The following NUP155 variants were observed in gnomAD, a reference collection of about 807,000 sequenced individuals.
NUP155 encodes nuclear pore complex protein Nup155.
A neutral mutation model predicts 180.4 loss-of-function variants in NUP155; 71 were observed. The observed-to-expected ratio is 0.39, with a 90% CI of 0.33 to 0.48. The LOEUF is 0.48. NUP155 is among the 20% of genes least tolerant of loss of function. The pLI, the probability that NUP155 is intolerant of heterozygous loss-of-function variation, is 0.91. For synonymous variants in NUP155, 582 were observed against 559.5 expected, an observed-to-expected ratio of 1.04 and a Z score of -0.57; for missense variants, 1,553 against 1,648.9, an observed-to-expected ratio of 0.94 and a Z score of 1.01.
At position 37,290,928 on chromosome 5, in the gene NUP155, ACTTTGAGAACCACTGC is replaced by A. The variant is rs1742206410; in HGVS notation, c.*956_*971del. ...CTGATGCTTCTGGTTTGGAGCACATACTTTGAGAACCACTGCTCTAATGGAATCAGTAGTCACAAGG... is the reference window on the plus strand; with the variant it reads ...CTGATGCTTCTGGTTTGGAGCACATATCTAATGGAATCAGTAGTCACAAGG... On this transcript the variant is annotated 3_prime_UTR_variant, in exon 35 of 35. Transcript: ENST00000231498. The A allele has an allele frequency of 6.6e-6, 1 of 152,194 alleles. No homozygotes were observed. Among genetic ancestry groups the A allele is most frequent in the Non-Finnish European group, 1.5e-5 (1 of 68,060 alleles). 9.4% of individuals were successfully genotyped at this position (152,194 alleles called of 1,614,324 possible). A position where few individuals can be genotyped will look rare whatever the true frequency, so the allele number is the denominator to read the frequency against.
intron 25 of NUP155, 21 bp from the exon 26 acceptor site, chr5:37,305,231 A>T (rs749460362): frequency 6.3e-7 from 1 of 1,594,274 alleles, no homozygotes; most frequent in Admixed American, 1.7e-5. Flanking sequence ...ATGGAAAAGG[A>T]ACAATTACAT....
At chr5:37,325,414 G>T in intron 19 of NUP155, among the ~76,000 whole-genome samples, 1 of 152,092 alleles carries the variant, frequency 6.6e-6, no homozygotes, top group Admixed American at 6.6e-5. Context: ...ATCAATGTTA[G>T]AGATGAGATT....
intron 32 of NUP155, among the ~76,000 whole-genome samples, chr5:37,294,734 A>G (rs1742429516): frequency 6.6e-6 from 1 of 152,132 alleles, no homozygotes; most frequent in South Asian, 2.1e-4. Flanking sequence ...AGTGTGCACC[A>G]TCACTCTCAG....
At chr5:37,294,268 A>C (rs182750726) in intron 33 of NUP155, 61 bp downstream of exon 33, 8 of 1,185,792 alleles carry the variant, frequency 6.7e-6, no homozygotes. Context: ...ACCCCACTCT[A>C]TATCTACAAA....
At chr5:37,317,643 CAATATCCATATT>C (rs1044005880) in intron 21 of NUP155, among the ~76,000 whole-genome samples, 1 of 150,190 alleles carries the variant, frequency 6.7e-6, no homozygotes, top group East Asian at 1.9e-4. Context: ...GGGAAATATA[CAATATCCATATT>C]AATATCCATA....
chr5:37,370,955 G>A lies in NUP155; in HGVS notation c.23C>T (p.Ala8Val), dbSNP rs1747927761. 29 of 1,614,026 alleles carry A rather than the reference G, an allele frequency of 1.8e-5. No homozygotes were observed. The East Asian group carries it at 6.0e-4, about 33-fold the overall frequency. ...GGCAGATGTAGAGGCCGGCATCGCC[G>A]CGCCCAACAAAGAAGACGGCATCTC... MPSSLLG[A>V]AMPASTSAAA... The change falls in exon 1 of 35, where the codon GCG becomes GTG. Residue 8 changes from alanine (A) to valine (V), a missense_variant. Ala to Val is a moderately conservative substitution (Grantham distance 64, BLOSUM62 0). Transcript: ENST00000231498.
At chr5:37,348,394 T>C in intron 9 of NUP155, 111 bp downstream of exon 9, 5 of 773,454 alleles carry the variant, frequency 6.5e-6, no homozygotes, top group East Asian at 2.5e-5. Flanking sequence ...CAACATTCCT[T>C]GTCTTTTAGA....
rs1240332904 is a variant in NUP155 at position 37,299,559 on chromosome 5, C to T, written c.3571G>A (p.Glu1191Lys). ...ELMDITKLYG[E>K]FADPFKLAEC... ...GCAAGTTTAAATGGGTCAGCAAATTCCCCATAAAGCTGTGAGAGAAAATCC... is the reference window on the plus strand; with the variant it reads ...GCAAGTTTAAATGGGTCAGCAAATTTCCCATAAAGCTGTGAGAGAAAATCC... Residue 1191 changes from glutamate (E) to lysine (K), a missense_variant, in exon 31 of 35, where the codon GAA (glutamate) becomes AAA (lysine). Transcript: ENST00000231498. The T allele has an allele frequency of 2.5e-6, 4 of 1,613,816 alleles. No individual in the cohort carries two copies. Among genetic ancestry groups the T allele is most frequent in the Non-Finnish European group, 3.4e-6 (4 of 1,179,930 alleles).
chr5:37,296,267 G>A (rs1295644981), intron 32 of NUP155, among the ~76,000 whole-genome samples: 16 of 152,278 alleles, frequency 1.1e-4, no homozygotes, highest in South Asian at 8.3e-4. Context: ...TTGAGAAATC[G>A]GATGGTTGCC....
intron 1 of NUP155, among the ~76,000 whole-genome samples, chr5:37,368,916 C>T (rs1174429009): frequency 6.6e-6 from 1 of 152,116 alleles, no homozygotes; most frequent in East Asian, 1.9e-4. Context: ...GCAGTGGGAA[C>T]ACAGAGGGAG....
rs185966666 is a variant in NUP155 at position 37,293,441 on chromosome 5, T to A, written c.3931-456A>T. 4.0e-3 allele frequency among the ~76,000 whole-genome samples: 615 copies of A among 152,322 alleles called. 21 individuals are homozygous for A. The highest frequency in any genetic ancestry group is 0.036 in the Admixed American group (543 of 15,292). On this transcript the variant is annotated intron_variant, in intron 33 of 34. Coordinates refer to ENST00000231498, the MANE Select transcript of NUP155 (RefSeq NM_153485.3). The stretch of plus-strand genomic sequence containing the variant: ...AGCAGGTTATTTAACATCTCTGCTC[T>A]TGTTTTTTGCAATATAAGATGGAGA...
Position 37,341,400 on chromosome 5 carries a change from C to T in NUP155, c.1094-158G>A, listed in dbSNP as rs76297010. On this transcript the variant is annotated intron_variant, in intron 10 of 34. Transcript: ENST00000231498. Reference sequence around the variant, plus strand: ...TTTTGGAGATGGAGTCTAGCTCTGTCGCCCAGGCTGGAGTGCAGTGGCGCC... The same window carrying T: ...TTTTGGAGATGGAGTCTAGCTCTGTTGCCCAGGCTGGAGTGCAGTGGCGCC... Among the ~76,000 whole-genome samples, 31,325 of 152,176 alleles carry T rather than the reference C, an allele frequency of 0.21. 3,611 individuals are homozygous for T. Among genetic ancestry groups the T allele is most frequent in the African/African-American group, 0.31 (12,907 of 41,504 alleles).
intron 25 of NUP155, 23 bp from the exon 26 acceptor site, chr5:37,305,233 C>T: frequency 6.3e-7 from 1 of 1,593,786 alleles, no homozygotes; most frequent in South Asian, 1.1e-5. Context: ...GGAAAAGGAA[C>T]AATTACATTA....
At chr5:37,342,508 G>T in intron 10 of NUP155, 41 bp downstream of exon 10, 3 of 1,229,988 alleles carry the variant, frequency 2.4e-6, no homozygotes, top group Non-Finnish European at 3.6e-6. Context: ...ATTTTCAGAA[G>T]TTGTAACAGT....
At chr5:37,296,379 C>T (rs990729728) in intron 32 of NUP155, among the ~76,000 whole-genome samples, 1 of 151,940 alleles carries the variant, frequency 6.6e-6, no homozygotes, top group African/African-American at 2.4e-5. Flanking sequence ...GACCTTACCC[C>T]CAACCCTGTG....
rs1471163111 is a variant in NUP155 at position 37,324,005 on chromosome 5, A to G, written c.2194T>C (p.Leu732=). The change falls in exon 20 of 35, where the codon TTA becomes CTA. Residue 732 remains leucine, a synonymous_variant. Transcript: ENST00000231498. ...DRNSQFAGGP[L]GNPNTTAKVQ... ...ATTTATTCTTACTTTGGATTTCCTA[A>G]TGGTCCTCCTGCAAACTGGGAGTTT... The G allele has an allele frequency of 6.2e-7, 1 of 1,604,064 alleles. No individual in the cohort carries two copies. Among genetic ancestry groups the G allele is most frequent in the East Asian group, 2.2e-5 (1 of 44,792 alleles).
At position 37,358,674 on chromosome 5, in the gene NUP155, T is replaced by C. The variant is rs1005296938; in HGVS notation, c.393-523A>G. ...TTTGGCCATATTGCCCAGGCTAGTG[T>C]TGAACTCCTGAATGCTCTTTATTAG... is the stretch of plus-strand genomic sequence containing the variant. On this transcript the variant is annotated intron_variant, in intron 3 of 34. Coordinates refer to ENST00000231498, the MANE Select transcript of NUP155 (RefSeq NM_153485.3). Among the ~76,000 whole-genome samples, 8 of 152,132 alleles carry C rather than the reference T, an allele frequency of 5.3e-5. No homozygotes were observed. In the East Asian group the frequency reaches 9.6e-4, roughly 18 times the overall value.
chr5:37,310,627 A>G lies in NUP155; in HGVS notation c.2553T>C (p.Ala851=). ...GTAAATGTAAACTAATGCCATCAAC[A>G]GCGGCATTATCTCTGATGTAGCAGT... is the stretch of plus-strand genomic sequence containing the variant. ...LINCYIRDNA[A]VDGISLHLQD... is the part of the protein sequence containing the mutation. Residue 851 remains alanine, a synonymous_variant, in exon 23 of 35, where the codon GCT becomes GCC. Coordinates refer to ENST00000231498, the MANE Select transcript of NUP155 (RefSeq NM_153485.3). 3 of 1,613,304 alleles carry G rather than the reference A, an allele frequency of 1.9e-6. No homozygotes were observed. The highest frequency in any genetic ancestry group is 2.5e-6 in the Non-Finnish European group (3 of 1,179,358).
At chr5:37,358,214 C>G in intron 3 of NUP155, 63 bp from the exon 4 acceptor site, 1 of 1,179,392 alleles carries the variant, frequency 8.5e-7, no homozygotes, top group South Asian at 1.2e-5. Flanking sequence ...TGTGGTGGCT[C>G]ATGTCTTTAA....
Sources: gnomAD v4.1 joint callset for allele counts (sites outside exome capture counted in the v4.1 genomes callset) on GRCh38, gnomAD v4.1.1 for gene constraint, MANE v1.5 for transcripts, NCBI Gene and HGNC (gene_info 2026-07-23, HGNC 2026-07-21) for gene names.